Variants in BCO1 observed in about 807,000 individuals in gnomAD.
BCO1 encodes beta-carotene oxygenase 1.
BCO1 carries 54 observed loss-of-function variants against 56.3 expected under a neutral mutation model. The ratio of observed to expected loss-of-function variants is 0.96; its 90% CI spans 0.77 to 1.20. The LOEUF (loss-of-function observed/expected upper bound fraction) is 1.20, where lower values mean the gene tolerates loss of function less well. Ranked by LOEUF, BCO1 falls within the 50% of genes most tolerant of loss-of-function variation. The probability of loss-of-function intolerance (pLI) is 0.00; values close to 1 mark genes in which losing one functional copy is unlikely to be tolerated. For missense variants in BCO1, 801 were observed against 690.9 expected, an observed-to-expected ratio of 1.16 and a Z score of -1.79; for synonymous variants, 318 against 266.1, an observed-to-expected ratio of 1.20 and a Z score of -1.90.
At chr16:81,272,996 G>T (rs1907330372) in intron 7 of BCO1, among the ~76,000 whole-genome samples, 1 of 152,022 alleles carries the variant, frequency 6.6e-6, no homozygotes, top group African/African-American at 2.4e-5. Context: ...GGGGGATGGA[G>T]TCTTGTTGTG....
At position 81,268,110 on chromosome 16, in the gene BCO1, G is replaced by C. The variant is rs765219048; in HGVS notation, c.822G>C (p.Leu274=). Residue 274 remains leucine, a synonymous_variant, in exon 6 of 11, where the codon CTG becomes CTC. Coordinates refer to ENST00000258168, the MANE Select transcript of BCO1 (RefSeq NM_017429.3). ...YIRRMSWASC[L]AFHREEKTYI... ...GGAGAATGAGCTGGGCCTCCTGCCT[G>C]GCTTTCCACAGGGAGGAGAAGGTGA... 3.1e-6 allele frequency: 5 copies of C among 1,610,016 alleles called. No homozygotes were observed. The highest frequency in any genetic ancestry group is 4.2e-6 in the Non-Finnish European group (5 of 1,179,974).
In BCO1 at chr16:81,285,650, T is replaced by C. The variant is rs1211998708; in HGVS notation, c.1302+16T>C. Reference sequence around the variant, plus strand: ...CCCAACCAAGGTACTGGTCTCTGTGTATTCACAAGCCTTTCCTACAGTGAT... The same window carrying C: ...CCCAACCAAGGTACTGGTCTCTGTGCATTCACAAGCCTTTCCTACAGTGAT... On this transcript the variant is annotated intron_variant, in intron 9 of 10. Transcript: ENST00000258168. The C allele has an allele frequency of 1.9e-6, 3 of 1,544,306 alleles. No homozygotes were observed. The highest frequency in any genetic ancestry group is 2.2e-5 in the South Asian group (2 of 89,676).
chr16:81,248,253 A>G (rs1223978966), intron 2 of BCO1, among the ~76,000 whole-genome samples: 1 of 151,610 alleles, frequency 6.6e-6, no homozygotes, highest in Non-Finnish European at 1.5e-5. Flanking sequence ...AATACAAAAA[A>G]TTAGCTGAGC....
At chr16:81,249,392 G>T (rs1344850902) in intron 2 of BCO1, among the ~76,000 whole-genome samples, 8 of 152,080 alleles carry the variant, frequency 5.3e-5, no homozygotes, top group Non-Finnish European at 1.2e-4. Flanking sequence ...GAGTAGCTGG[G>T]ACTACAGGCT....
Position 81,249,565 on chromosome 16 carries a change from T to A in BCO1, c.193+3962T>A, listed in dbSNP as rs1905659146. On this transcript the variant is annotated intron_variant, in intron 2 of 10. Coordinates refer to ENST00000258168, the MANE Select transcript of BCO1 (RefSeq NM_017429.3). ...GCCACTGTGCCCGGCCCCGGCTAGG[T>A]TTTTTTGTATTTTTAGTAGAGATGG... Among the ~76,000 whole-genome samples the A allele has an allele frequency of 3.3e-5, 5 of 152,036 alleles. No individual in the cohort carries two copies. The South Asian group carries it at 8.3e-4, about 25-fold the overall frequency.
intron 7 of BCO1, 105 bp downstream of exon 7, chr16:81,270,521 T>C: frequency 1.4e-6 from 2 of 1,476,956 alleles, no homozygotes; most frequent in Non-Finnish European, 9.2e-7. Context: ...AAATGAACTG[T>C]TCTTGAAAAA....
chr16:81,276,002 G>A (rs1023706048), intron 7 of BCO1, among the ~76,000 whole-genome samples: 39 of 152,218 alleles, frequency 2.6e-4, no homozygotes, highest in African/African-American at 9.2e-4. Flanking sequence ...TGTGAGGCCC[G>A]AGGTTCGTGT....
intron 7 of BCO1, among the ~76,000 whole-genome samples, chr16:81,273,685 T>A (rs534513861): frequency 6.6e-6 from 1 of 152,010 alleles, no homozygotes; most frequent in South Asian, 2.1e-4. Context: ...CTTAGCTCAT[T>A]TGAAAGGAAA....
intron 2 of BCO1, among the ~76,000 whole-genome samples, chr16:81,246,341 G>C (rs1341961544): frequency 2.0e-5 from 3 of 152,094 alleles, no homozygotes; most frequent in African/African-American, 7.2e-5. Context: ...GATATGTCAG[G>C]TCACACATTC....
chr16:81,254,789 G>C (rs1906025864), intron 2 of BCO1, among the ~76,000 whole-genome samples: 1 of 152,040 alleles, frequency 6.6e-6, no homozygotes, highest in African/African-American at 2.4e-5. Context: ...CGTTCAGGGG[G>C]CTGCTCTGGT....
chr16:81,238,766 C>A lies in BCO1; in HGVS notation c.-143C>A. ...AAAAAGGAAAAAGCAAAGGCAGAAA[C>A]GGCATCAGGAGAGACAGAGATGTGA... On this transcript the variant is annotated 5_prime_UTR_variant, in exon 1 of 11. Coordinates refer to ENST00000258168, the MANE Select transcript of BCO1 (RefSeq NM_017429.3). The A allele has an allele frequency of 2.6e-6, 2 of 764,608 alleles. No homozygotes were observed. The highest frequency in any genetic ancestry group is 4.6e-6 in the Non-Finnish European group (2 of 430,472). The allele number at this position is 764,608 out of a possible 1,614,324, so 47.4% of individuals were successfully genotyped here.
intron 10 of BCO1, among the ~76,000 whole-genome samples, chr16:81,289,031 G>A (rs1396930759): frequency 6.6e-6 from 1 of 152,228 alleles, no homozygotes; most frequent in Admixed American, 6.5e-5. Context: ...TACATTCTCT[G>A]TGAGGAGGGA....
chr16:81,252,839 C>A (rs921149041), intron 2 of BCO1, among the ~76,000 whole-genome samples: 9 of 152,236 alleles, frequency 5.9e-5, no homozygotes, highest in African/African-American at 1.9e-4. Flanking sequence ...GGAGTCAATG[C>A]GCAGGACCCC....
chr16:81,245,046 A>G (rs1202517552), intron 1 of BCO1, among the ~76,000 whole-genome samples: 1 of 151,976 alleles, frequency 6.6e-6, no homozygotes, highest in African/African-American at 2.4e-5. Flanking sequence ...GCTCACTATG[A>G]CGCCCAGCTA....
At chr16:81,288,938 G>C (rs1024024511) in intron 10 of BCO1, among the ~76,000 whole-genome samples, 1 of 152,204 alleles carries the variant, frequency 6.6e-6, no homozygotes, top group Non-Finnish European at 1.5e-5. Context: ...CAGCAACCCT[G>C]TGTCACTGTC....
chr16:81,242,192 C>CT (rs796252592), intron 1 of BCO1, among the ~76,000 whole-genome samples: 4,941 of 78,610 alleles, frequency 0.063, 187 homozygotes, highest in African/African-American at 0.095. Flanking sequence ...ACTTGGCTGT[C>CT]TTTTTTTTTT....
chr16:81,241,761 G>C (rs1905126694), intron 1 of BCO1, among the ~76,000 whole-genome samples: 1 of 152,176 alleles, frequency 6.6e-6, no homozygotes, highest in African/African-American at 2.4e-5. Context: ...TCCAGGCCTG[G>C]GTTGAGCCTA....
intron 8 of BCO1, 97 bp downstream of exon 8, chr16:81,281,059 A>T (rs1907854520): frequency 1.1e-6 from 1 of 870,476 alleles, no homozygotes; most frequent in African/African-American, 1.7e-5. Flanking sequence ...CTGTGCATGG[A>T]CAAGGGCCAA....
At chr16:81,271,901 C>G (rs1252589529) in intron 7 of BCO1, among the ~76,000 whole-genome samples, 1 of 151,904 alleles carries the variant, frequency 6.6e-6, no homozygotes, top group Non-Finnish European at 1.5e-5. Flanking sequence ...AGGTGCCCAC[C>G]ACCATGCCTA....
Sources: allele counts gnomAD v4.1 joint callset (sites outside exome capture counted in the v4.1 genomes callset), GRCh38; gene constraint gnomAD v4.1.1; transcripts MANE v1.5; gene names NCBI Gene and HGNC (gene_info 2026-07-23, HGNC 2026-07-21).